Variants in FAM13A observed in about 807,000 individuals in gnomAD.
FAM13A encodes the protein protein FAM13A.
In FAM13A, 76 loss-of-function variants were observed where a neutral mutation model predicts 129.6. That is an observed-to-expected ratio of 0.59 (90% CI 0.49 to 0.71). FAM13A has a LOEUF of 0.71. FAM13A is among the 30% of genes least tolerant of loss of function. The probability of loss-of-function intolerance (pLI) is 0.00; values close to 1 mark genes in which losing one functional copy is unlikely to be tolerated. For missense variants in FAM13A, 1,108 were observed against 1,249.3 expected (o/e 0.89, Z 1.70); for synonymous variants, 443 against 449.9 (o/e 0.98, Z 0.20).
At chr4:88,830,022 G>A (rs536340220) in intron 7 of FAM13A, among the ~76,000 whole-genome samples, 20 of 152,096 alleles carry the variant, frequency 1.3e-4, no homozygotes, top group Non-Finnish European at 2.8e-4. Context: ...ATGTGTGTGT[G>A]CGCATATATA....
chr4:88,734,514 T>C (rs573201691), intron 21 of FAM13A, among the ~76,000 whole-genome samples: 2 of 152,046 alleles, frequency 1.3e-5, no homozygotes, highest in South Asian at 4.1e-4. Flanking sequence ...GCCCTATAAT[T>C]AGGAAAAAGA....
intron 5 of FAM13A, among the ~76,000 whole-genome samples, chr4:88,929,683 C>G (rs746597587): frequency 6.6e-6 from 1 of 151,906 alleles, no homozygotes; most frequent in Admixed American, 6.6e-5. Flanking sequence ...ATTATTGGAG[C>G]TTTCAAATGT....
intron 4 of FAM13A, among the ~76,000 whole-genome samples, chr4:88,986,799 AGTT>A (rs1347497895): frequency 6.6e-6 from 1 of 152,246 alleles, no homozygotes; most frequent in African/African-American, 2.4e-5. Context: ...ATGAAATCAA[AGTT>A]GTTAAGAAAG....
intron 4 of FAM13A, among the ~76,000 whole-genome samples, chr4:88,956,529 C>A (rs1757776418): frequency 6.6e-6 from 1 of 151,982 alleles, no homozygotes; most frequent in Admixed American, 6.6e-5. Context: ...TGAAGAAACA[C>A]CAAAGAACTT....
chr4:88,764,980 A>G (rs2149532748), intron 13 of FAM13A, among the ~76,000 whole-genome samples: 1 of 152,326 alleles, frequency 6.6e-6, no homozygotes, highest in East Asian at 1.9e-4. Flanking sequence ...AAATAAATTA[A>G]AAAGATATGA....
In FAM13A at chr4:88,746,964, G is replaced by T. The variant is rs765313625; in HGVS notation, c.2434C>A (p.Leu812Met). The T allele has an allele frequency of 5.6e-6, 9 of 1,613,666 alleles. No individual in the cohort carries two copies. The highest frequency in any genetic ancestry group is 7.6e-6 in the Non-Finnish European group (9 of 1,179,630). ...ANEKVALQKA[L>M]LYYESIHGRP... ...CCATGAATGCTTTCATAATATAACAGAGCTTTCTGCAGAGCCACTTTCTCA... is the reference window on the plus strand; with the variant it reads ...CCATGAATGCTTTCATAATATAACATAGCTTTCTGCAGAGCCACTTTCTCA... The change falls in exon 19 of 24, where the codon CTG (leucine) becomes ATG (methionine). Residue 812 changes from leucine (L) to methionine (M), a missense_variant. Coordinates refer to ENST00000264344, the MANE Select transcript of FAM13A (RefSeq NM_014883.4).
At chr4:88,831,837 T>G (rs1733928801) in intron 7 of FAM13A, among the ~76,000 whole-genome samples, 1 of 152,160 alleles carries the variant, frequency 6.6e-6, no homozygotes, top group Admixed American at 6.6e-5. Flanking sequence ...ATTTATAGAT[T>G]CAATACTATT....
chr4:88,745,932 G>A (rs559087628), intron 19 of FAM13A, among the ~76,000 whole-genome samples: 1 of 151,672 alleles, frequency 6.6e-6, no homozygotes, highest in African/African-American at 2.4e-5. Flanking sequence ...GATAGTTATT[G>A]GGCCTGTGTC....
intron 5 of FAM13A, among the ~76,000 whole-genome samples, chr4:88,922,816 GA>G (rs1170325704): frequency 1.3e-5 from 2 of 151,806 alleles, no homozygotes; most frequent in African/African-American, 2.4e-5. Flanking sequence ...GACTAATAAA[GA>G]AAAAAAGAGA....
intron 4 of FAM13A, among the ~76,000 whole-genome samples, chr4:88,985,003 T>G (rs1290454542): frequency 6.6e-6 from 1 of 152,118 alleles, no homozygotes; most frequent in Non-Finnish European, 1.5e-5. Context: ...CACAGCAGCA[T>G]CATTCGAAAT....
At chr4:88,770,657 C>T (rs1214849328) in intron 11 of FAM13A, among the ~76,000 whole-genome samples, 2 of 151,726 alleles carry the variant, frequency 1.3e-5, no homozygotes, top group Non-Finnish European at 2.9e-5. Flanking sequence ...AGAGATATTT[C>T]ATTTAGAAGA....
intron 7 of FAM13A, among the ~76,000 whole-genome samples, chr4:88,828,952 C>T (rs139906024): frequency 2.2e-4 from 34 of 152,328 alleles, no homozygotes; most frequent in African/African-American, 7.0e-4. Context: ...TTTCCTTTTA[C>T]ACGTTTTAGC....
At chr4:89,027,834 G>C (rs997930555) in intron 2 of FAM13A, among the ~76,000 whole-genome samples, 1 of 152,068 alleles carries the variant, frequency 6.6e-6, no homozygotes, top group African/African-American at 2.4e-5. Flanking sequence ...CACTGGACAA[G>C]GGGAGGATTC....
At chr4:88,868,612 T>C (rs961801396) in intron 6 of FAM13A, among the ~76,000 whole-genome samples, 4 of 152,186 alleles carry the variant, frequency 2.6e-5, no homozygotes, top group African/African-American at 9.7e-5. Context: ...CTCACATTAA[T>C]GGCCCCAGAC....
intron 9 of FAM13A, among the ~76,000 whole-genome samples, chr4:88,789,256 C>T (rs1275298612): frequency 1.3e-5 from 2 of 152,128 alleles, no homozygotes; most frequent in African/African-American, 4.8e-5. Flanking sequence ...ACATGTCAGC[C>T]TTGGTGCAGT....
At chr4:88,834,349 T>C (rs1334003090) in intron 7 of FAM13A, among the ~76,000 whole-genome samples, 1 of 152,096 alleles carries the variant, frequency 6.6e-6, no homozygotes, top group East Asian at 1.9e-4. Flanking sequence ...TTTTTCCTCA[T>C]TGAATTTTGG....
intron 6 of FAM13A, among the ~76,000 whole-genome samples, chr4:88,864,556 G>A (rs1014403099): frequency 6.6e-6 from 1 of 151,944 alleles, no homozygotes; most frequent in African/African-American, 2.4e-5. Flanking sequence ...CTACAGGCAC[G>A]CGCCACCACA....
chr4:88,887,511 C>A (rs1401132040), intron 6 of FAM13A, among the ~76,000 whole-genome samples: 1 of 149,926 alleles, frequency 6.7e-6, no homozygotes, highest in Admixed American at 6.7e-5. Flanking sequence ...TCATTTGGTT[C>A]ACATATGTAC....
intron 4 of FAM13A, among the ~76,000 whole-genome samples, chr4:88,944,739 T>G (rs1579410678): frequency 1.3e-5 from 2 of 151,878 alleles, no homozygotes; most frequent in East Asian, 3.9e-4. Context: ...CTGTCTCTAC[T>G]AAAAATACAA....
Sources: allele counts gnomAD v4.1 joint callset (sites outside exome capture counted in the v4.1 genomes callset), GRCh38; gene constraint gnomAD v4.1.1; transcripts MANE v1.5; gene names NCBI Gene and HGNC (gene_info 2026-07-23, HGNC 2026-07-21).